The following LPP variants were observed in gnomAD, a reference collection of about 807,000 sequenced individuals.
LPP encodes the protein LIM domain containing preferred translocation partner in lipoma.
A neutral mutation model predicts 60.4 loss-of-function variants in LPP; 38 were observed. The observed-to-expected ratio is 0.63, with a 90% confidence interval of 0.49 to 0.83. The LOEUF (loss-of-function observed/expected upper bound fraction) is 0.83. LPP is among the 40% of genes least tolerant of loss of function. LPP has a pLI of 0.00. For synonymous variants in LPP, 328 were observed against 290.8 expected (o/e 1.13, Z -1.30); for missense variants, 902 against 783.6 (o/e 1.15, Z -1.80).
intron 4 of LPP, among the ~76,000 whole-genome samples, chr3:188,431,363 C>A (rs1399818860): frequency 6.6e-6 from 1 of 152,090 alleles, no homozygotes; most frequent in African/African-American, 2.4e-5. Context: ...GAAAGCTGGG[C>A]ACCATGGAAG....
In LPP at chr3:188,889,265, T is replaced by C. The variant is rs114244741; in HGVS notation, c.*14786T>C. 185 of 231,106 alleles carry C rather than the reference T, an allele frequency of 8.0e-4. No individual in the cohort carries two copies. The highest frequency in any genetic ancestry group is 3.9e-3 in the African/African-American group (179 of 45,354). 14.3% of individuals were successfully genotyped at this position (231,106 alleles called of 1,614,324 possible). On this transcript the variant is annotated 3_prime_UTR_variant, in exon 12 of 12. Coordinates refer to ENST00000617246, the MANE Select transcript of LPP (RefSeq NM_001375462.1). The stretch of plus-strand genomic sequence containing the variant: ...CTGACAAAACTGTCAATACTGTTGA[T>C]GGAGCAGCAGCATAGCCTAGAGTGA...
At chr3:188,738,253 G>T (rs996565608) in intron 8 of LPP, among the ~76,000 whole-genome samples, 1 of 152,012 alleles carries the variant, frequency 6.6e-6, no homozygotes, top group South Asian at 2.1e-4. Context: ...ACTCCTTTGC[G>T]AAAACAACAA....
At chr3:188,423,185 T>G (rs1024686705) in intron 4 of LPP, among the ~76,000 whole-genome samples, 2 of 151,808 alleles carry the variant, frequency 1.3e-5, no homozygotes, top group African/African-American at 4.8e-5. Context: ...CACTTATGAG[T>G]GAGAACATGT....
At chr3:188,550,619 A>G (rs1579874391) in intron 6 of LPP, among the ~76,000 whole-genome samples, 1 of 150,812 alleles carries the variant, frequency 6.6e-6, no homozygotes. Context: ...GTCTTTGGAT[A>G]TTAACCATAG....
chr3:188,256,598 G>A (rs1044377337), intron 2 of LPP, among the ~76,000 whole-genome samples: 1 of 152,090 alleles, frequency 6.6e-6, no homozygotes, highest in Non-Finnish European at 1.5e-5. Context: ...ATTAAAAGTA[G>A]AGTGTCTACA....
intron 8 of LPP, among the ~76,000 whole-genome samples, chr3:188,745,917 G>A (rs183001852): frequency 1.6e-4 from 25 of 152,180 alleles, no homozygotes; most frequent in East Asian, 1.9e-4. Flanking sequence ...TGCCCTTTCC[G>A]AGGTTACACA....
rs535117966 is a variant in LPP, at chr3:188,352,351, C to T, written c.-10+10632C>T. ...CTCCCCACCTTTGGCAGCTTGTGAGCGGTGTTGCCATGACACTCCTTGGGC... is the reference window on the plus strand; with the variant it reads ...CTCCCCACCTTTGGCAGCTTGTGAGTGGTGTTGCCATGACACTCCTTGGGC... On this transcript the variant is annotated intron_variant, in intron 3 of 11. Transcript: ENST00000617246. The surrounding 1 kb of genome is among the most constrained non-coding windows in gnomAD (Gnocchi z 4.4). Among the ~76,000 whole-genome samples, 6 of 152,282 alleles carry T rather than the reference C, an allele frequency of 3.9e-5. No homozygotes were observed. Among genetic ancestry groups the T allele is most frequent in the Admixed American group, 1.3e-4 (2 of 15,294 alleles).
chr3:188,412,603 G>A (rs1785170707), intron 4 of LPP, among the ~76,000 whole-genome samples: 2 of 152,148 alleles, frequency 1.3e-5, no homozygotes, highest in African/African-American at 2.4e-5. Context: ...GGGCTCTTAC[G>A]AATTTTAAAT....
At chr3:188,210,335 A>G (rs949039401) in intron 1 of LPP, among the ~76,000 whole-genome samples, 1 of 152,204 alleles carries the variant, frequency 6.6e-6, no homozygotes, top group Non-Finnish European at 1.5e-5. Context: ...AACCAGTGAG[A>G]CAGACATAGG....
intron 2 of LPP, among the ~76,000 whole-genome samples, chr3:188,273,802 G>A (rs1738697241): frequency 1.3e-5 from 2 of 151,694 alleles, no homozygotes; most frequent in African/African-American, 4.8e-5. Context: ...CACCATGTTG[G>A]CCAGACTGGT....
intron 5 of LPP, among the ~76,000 whole-genome samples, chr3:188,494,774 A>G (rs1002946390): frequency 2.0e-5 from 3 of 152,032 alleles, no homozygotes; most frequent in Non-Finnish European, 2.9e-5. Context: ...CTTCCTGCTT[A>G]CTGGCTGCAT....
intron 6 of LPP, among the ~76,000 whole-genome samples, chr3:188,608,131 A>C (rs904042954): frequency 1.3e-5 from 2 of 152,198 alleles, no homozygotes; most frequent in African/African-American, 4.8e-5. Context: ...AGCTGTGGCC[A>C]GGAGATAAGA....
At chr3:188,514,818 T>G (rs1028260505) in intron 5 of LPP, among the ~76,000 whole-genome samples, 16 of 152,230 alleles carry the variant, frequency 1.1e-4, no homozygotes, top group African/African-American at 3.9e-4. Flanking sequence ...TCCTTGTCAC[T>G]GTCCAAAAGT....
chr3:188,520,441 C>T (rs1161459099), intron 5 of LPP, among the ~76,000 whole-genome samples: 3 of 152,184 alleles, frequency 2.0e-5, no homozygotes, highest in Non-Finnish European at 4.4e-5. Context: ...ACTTGTGAGA[C>T]TTATTCACAA....
chr3:188,569,606 C>G (rs1382131638), intron 6 of LPP, among the ~76,000 whole-genome samples: 1 of 151,914 alleles, frequency 6.6e-6, no homozygotes, highest in Non-Finnish European at 1.5e-5. Flanking sequence ...ACTTATTTTT[C>G]TTAGTAATCC....
chr3:188,485,172 T>G (rs1384111829), intron 5 of LPP, among the ~76,000 whole-genome samples: 1 of 152,162 alleles, frequency 6.6e-6, no homozygotes, highest in African/African-American at 2.4e-5. Flanking sequence ...ACATCAAATA[T>G]CCTTAGGATT....
intron 4 of LPP, among the ~76,000 whole-genome samples, chr3:188,458,808 A>C (rs1467378972): frequency 1.5e-5 from 2 of 137,858 alleles, no homozygotes; most frequent in Non-Finnish European, 3.2e-5. Flanking sequence ...GCTACTGTTT[A>C]TGGAAAAGGA....
chr3:188,516,243 G>A (rs1817327192), intron 5 of LPP, among the ~76,000 whole-genome samples: 1 of 152,098 alleles, frequency 6.6e-6, no homozygotes, highest in African/African-American at 2.4e-5. Context: ...CAATAGGAAT[G>A]CATTCATTTT....
chr3:188,499,174 T>C (rs1201921513), intron 5 of LPP, among the ~76,000 whole-genome samples: 1 of 152,228 alleles, frequency 6.6e-6, no homozygotes, highest in Non-Finnish European at 1.5e-5. Flanking sequence ...GTGTTATTTG[T>C]GCCTTTTGTG....
Sources: allele counts gnomAD v4.1 joint callset (sites outside exome capture counted in the v4.1 genomes callset), GRCh38; gene constraint gnomAD v4.1.1; non-coding constraint Gnocchi (gnomAD v3.1); transcripts MANE v1.5; gene names NCBI Gene and HGNC (gene_info 2026-07-23, HGNC 2026-07-21).